Variants in ZNF804B observed in about 807,000 individuals in gnomAD.
ZNF804B encodes the protein zinc finger 804B.
A neutral mutation model predicts 101.4 loss-of-function variants in ZNF804B; 80 were observed. That is an observed-to-expected ratio of 0.79 (90% CI 0.66 to 0.95). The LOEUF (loss-of-function observed/expected upper bound fraction) is 0.95, where lower values mean the gene tolerates loss of function less well. Ranked by LOEUF, ZNF804B falls within the 40% of genes least tolerant of loss-of-function variation. The pLI, the probability that ZNF804B is intolerant of heterozygous loss-of-function variation, is 0.00. For missense variants in ZNF804B, 1,673 were observed against 1,561.9 expected (o/e 1.07, Z -1.20); for synonymous variants, 622 against 558.8 (o/e 1.11, Z -1.59).
chr7:88,877,562 A>AT (rs1452316511), intron 1 of ZNF804B, among the ~76,000 whole-genome samples: 1 of 152,116 alleles, frequency 6.6e-6, no homozygotes, highest in Non-Finnish European at 1.5e-5. Context: ...AGTATCTGAG[A>AT]TAAAATCCTG....
chr7:88,904,465 A>T (rs184155276), intron 1 of ZNF804B, among the ~76,000 whole-genome samples: 69 of 151,990 alleles, frequency 4.5e-4, no homozygotes, highest in Middle Eastern at 3.4e-3. Flanking sequence ...GAATTAAAAA[A>T]TTTTTTTTCT....
intron 1 of ZNF804B, among the ~76,000 whole-genome samples, chr7:89,064,244 C>T (rs1169393279): frequency 1.1e-4 from 17 of 152,020 alleles, no homozygotes. Context: ...ATTGTCTGCT[C>T]CAGAAGAACA....
At chr7:88,842,123 C>G (rs1791299958) in intron 1 of ZNF804B, among the ~76,000 whole-genome samples, 1 of 152,148 alleles carries the variant, frequency 6.6e-6, no homozygotes, top group Admixed American at 6.5e-5. Flanking sequence ...AAATCCATCT[C>G]AGTTTTTATA....
At chr7:89,092,666 C>T (rs1033256391) in intron 1 of ZNF804B, among the ~76,000 whole-genome samples, 1 of 152,080 alleles carries the variant, frequency 6.6e-6, no homozygotes, top group African/African-American at 2.4e-5. Flanking sequence ...CCGCCTTGGC[C>T]TCCCAAAGTG....
At chr7:88,787,709 G>A (rs1790322816) in intron 1 of ZNF804B, among the ~76,000 whole-genome samples, 2 of 152,118 alleles carry the variant, frequency 1.3e-5, no homozygotes, top group Non-Finnish European at 2.9e-5. Flanking sequence ...GGAAACTGAG[G>A]TACAGAAAGG....
intron 1 of ZNF804B, among the ~76,000 whole-genome samples, chr7:89,030,915 G>T (rs916780558): frequency 1.3e-5 from 2 of 151,322 alleles, no homozygotes; most frequent in Non-Finnish European, 2.9e-5. Context: ...ATGTTCCTTT[G>T]TAAATGTTGT....
chr7:88,972,180 A>AT (rs1216054352), intron 1 of ZNF804B, among the ~76,000 whole-genome samples: 1 of 151,408 alleles, frequency 6.6e-6, no homozygotes, highest in African/African-American at 2.4e-5. Flanking sequence ...TGAATTGTGT[A>AT]TTTTTTCTCC....
At chr7:89,194,947 A>G (rs903173134) in intron 1 of ZNF804B, among the ~76,000 whole-genome samples, 1 of 152,184 alleles carries the variant, frequency 6.6e-6, no homozygotes, top group Admixed American at 6.6e-5. Context: ...ACCCATGAGC[A>G]TGGAATGTTC....
intron 1 of ZNF804B, among the ~76,000 whole-genome samples, chr7:88,838,373 AT>A (rs1487464904): frequency 3.9e-5 from 6 of 151,916 alleles, no homozygotes; most frequent in African/African-American, 1.4e-4. Context: ...CTTAAACACC[AT>A]TTTATATTAT....
At chr7:88,892,218 G>A (rs1369881967) in intron 1 of ZNF804B, among the ~76,000 whole-genome samples, 3 of 152,020 alleles carry the variant, frequency 2.0e-5, no homozygotes, top group Non-Finnish European at 2.9e-5. Context: ...TTTCTAATTT[G>A]TATGATCTCT....
intron 1 of ZNF804B, among the ~76,000 whole-genome samples, chr7:89,177,980 A>G (rs906292230): frequency 3.9e-5 from 6 of 151,936 alleles, no homozygotes; most frequent in Non-Finnish European, 7.4e-5. Flanking sequence ...TATGTTTATA[A>G]TTACTATATC....
At chr7:89,317,664 C>A (rs1790752912) in intron 2 of ZNF804B, among the ~76,000 whole-genome samples, 1 of 152,162 alleles carries the variant, frequency 6.6e-6, no homozygotes, top group South Asian at 2.1e-4. Flanking sequence ...GCAAGGTCAC[C>A]ACTCAACATA....
At chr7:89,203,780 G>C (rs572865996) in intron 1 of ZNF804B, among the ~76,000 whole-genome samples, 4 of 152,138 alleles carry the variant, frequency 2.6e-5, no homozygotes, top group Non-Finnish European at 5.9e-5. Flanking sequence ...GATGTCCTTG[G>C]TGTTTTGTAA....
chr7:89,120,987 T>G (rs539773379), intron 1 of ZNF804B, among the ~76,000 whole-genome samples: 93 of 152,332 alleles, frequency 6.1e-4, no homozygotes, highest in African/African-American at 2.1e-3. Context: ...CCAAGACATT[T>G]TGCATATATT....
At chr7:88,934,186 T>C (rs1584025037) in intron 1 of ZNF804B, among the ~76,000 whole-genome samples, 1 of 151,956 alleles carries the variant, frequency 6.6e-6, no homozygotes, top group African/African-American at 2.4e-5. Flanking sequence ...ATTCAATAAA[T>C]GGGGCTGGAA....
intron 1 of ZNF804B, among the ~76,000 whole-genome samples, chr7:89,101,339 A>G (rs1790052448): frequency 6.6e-6 from 1 of 152,038 alleles, no homozygotes; most frequent in Non-Finnish European, 1.5e-5. Context: ...CTTATCAGAT[A>G]TATTCATTTA....
At chr7:89,288,736 A>G (rs1315831447) in intron 2 of ZNF804B, among the ~76,000 whole-genome samples, 1 of 152,212 alleles carries the variant, frequency 6.6e-6, no homozygotes, top group Non-Finnish European at 1.5e-5. Flanking sequence ...ACATGTGCAT[A>G]AAAATACTAA....
intron 1 of ZNF804B, among the ~76,000 whole-genome samples, chr7:88,856,708 G>A (rs574546398): frequency 1.2e-4 from 19 of 152,174 alleles, no homozygotes; most frequent in African/African-American, 4.3e-4. Context: ...AATGCTTCCA[G>A]TTTTTGCCCA....
chr7:89,320,654 T>C (rs1790804652), intron 2 of ZNF804B, among the ~76,000 whole-genome samples: 1 of 151,958 alleles, frequency 6.6e-6, no homozygotes, highest in African/African-American at 2.4e-5. Context: ...GATACAAAAC[T>C]ACAGATTCCA....
Sources: gnomAD v4.1 joint callset for allele counts (sites outside exome capture counted in the v4.1 genomes callset) on GRCh38, gnomAD v4.1.1 for gene constraint, MANE v1.5 for transcripts, NCBI Gene and HGNC (gene_info 2026-07-23, HGNC 2026-07-21) for gene names.